The following CELSR1 variants were observed in gnomAD, a reference collection of about 807,000 sequenced individuals.
CELSR1 encodes the protein adhesion G protein-coupled receptor C1.
Under a neutral mutation model 249.1 loss-of-function variants are expected in CELSR1, and 110 were observed. The observed-to-expected ratio is 0.44, with a 90% CI of 0.38 to 0.52. The LOEUF is 0.52. Among genes scored for constraint, CELSR1 ranks in the 20% least tolerant of loss-of-function variants. CELSR1 has a pLI of 0.00. For missense variants in CELSR1, 4,109 were observed against 4,296.4 expected (o/e 0.96, Z 1.22); for synonymous variants, 2,113 against 1,900.0 (o/e 1.11, Z -2.92).
Position 46,407,212 on chromosome 22 carries a change from T to C in CELSR1, c.5226+1784A>G, listed in dbSNP as rs982298776. ...CCATGTGCACCCAGGTCTCATCACA[T>C]GGGTGCACACACATACATATACAGC... On this transcript the variant is annotated intron_variant, in intron 9 of 34. Coordinates refer to ENST00000674500, the MANE Select transcript of CELSR1 (RefSeq NM_001378328.1). This position sits in a 1 kb window ranked among gnomAD's most constrained non-coding sequence, Gnocchi z 4.8. Among the ~76,000 whole-genome samples the C allele has an allele frequency of 2.6e-5, 4 of 152,178 alleles. No homozygotes were observed. The highest frequency in any genetic ancestry group is 3.2e-3 in the Middle Eastern group (1 of 316).
intron 5 of CELSR1, among the ~76,000 whole-genome samples, chr22:46,419,703 C>T (rs144159390): frequency 2.8e-3 from 421 of 152,340 alleles, no homozygotes; most frequent in South Asian, 8.3e-3. Flanking sequence ...TGTGTACACT[C>T]GCCCACTCAC....
At chr22:46,439,168 C>T (rs369151135) in intron 3 of CELSR1, 21 bp downstream of exon 3, 74 of 1,600,086 alleles carry the variant, frequency 4.6e-5, no homozygotes, top group Non-Finnish European at 5.6e-5. Context: ...CCCCGTGTGG[C>T]GCGGCGGGAC....
At chr22:46,416,362 G>A (rs2079401595) in intron 5 of CELSR1, among the ~76,000 whole-genome samples, 1 of 152,156 alleles carries the variant, frequency 6.6e-6, no homozygotes, top group Non-Finnish European at 1.5e-5. Context: ...CGCAGCAGCC[G>A]GCCAGGCCCA....
rs910293645 is a variant in CELSR1, at chr22:46,415,628, A to T, written c.4612-3869T>A. Among the ~76,000 whole-genome samples the T allele has an allele frequency of 2.4e-3, 325 of 133,618 alleles. 1 individual carries two copies. Among genetic ancestry groups the T allele is most frequent in the African/African-American group, 0.011 (313 of 28,146 alleles). 87.7% of individuals were successfully genotyped at this position (133,618 alleles called of 152,430 possible). ...CTTCACCTCAATAAGGAAAAAATTA[A>T]AAAAAAAAAAAGATTCCTGGGTGGG... is the stretch of plus-strand genomic sequence containing the variant. On this transcript the variant is annotated intron_variant, in intron 5 of 34. Transcript: ENST00000674500.
Position 46,380,719 on chromosome 22 carries a change from G to A in CELSR1, c.7256+69C>T. The stretch of plus-strand genomic sequence containing the variant: ...TCCTCTTGGGGCGCTCTGCCACTGA[G>A]CCCCCGACCCTGCGGGGGCACTCTG... On this transcript the variant is annotated intron_variant, in intron 22 of 34. Transcript: ENST00000674500. This position sits in a 1 kb window ranked among gnomAD's most constrained non-coding sequence, Gnocchi z 5.1. 6.4e-7 allele frequency: 1 copy of A among 1,560,436 alleles called. No homozygotes were observed. The highest frequency in any genetic ancestry group is 8.7e-7 in the Non-Finnish European group (1 of 1,148,760).
rs749665955 is a variant in CELSR1 at position 46,391,089 on chromosome 22, T to C, written c.6250+97A>G. The C allele has an allele frequency of 2.1e-4, 216 of 1,011,518 alleles. No homozygotes were observed. The highest frequency in any genetic ancestry group is 3.0e-4 in the Non-Finnish European group (207 of 681,450). The allele number at this position is 1,011,518 out of a possible 1,614,324, so 62.7% of individuals were successfully genotyped here. On this transcript the variant is annotated intron_variant, in intron 16 of 34. Transcript: ENST00000674500. The surrounding 1 kb of genome is among the most constrained non-coding windows in gnomAD (Gnocchi z 4.3). Reference sequence around the variant, plus strand: ...CCAGCACTTTGCCTGCGGATATTTTTTCAACACGAAACATTCCATGAGTCC... The same window carrying C: ...CCAGCACTTTGCCTGCGGATATTTTCTCAACACGAAACATTCCATGAGTCC...
At chr22:46,470,077 T>A (rs2080140546) in intron 1 of CELSR1, among the ~76,000 whole-genome samples, 1 of 128,300 alleles carries the variant, frequency 7.8e-6, no homozygotes. Flanking sequence ...ATAATGAGAC[T>A]TCATTTTTTC....
intron 25 of CELSR1, chr22:46,370,108 G>A (rs375341487): frequency 5.5e-5 from 28 of 505,686 alleles, no homozygotes; most frequent in African/African-American, 4.8e-4. Context: ...GTGAGATGGT[G>A]CAGGAGGGAT....
rs970812385 is a variant in CELSR1 at position 46,393,831 on chromosome 22, G to A, written c.5964+311C>T. 6.6e-6 allele frequency among the ~76,000 whole-genome samples: 1 copy of A among 152,226 alleles called. No homozygotes were observed. Among genetic ancestry groups the A allele is most frequent in the Non-Finnish European group, 1.5e-5 (1 of 68,034 alleles). ...GATGAGCCAGCCCTCAGAAACGGGT[G>A]GGCTTCCCACAGCCATGGGCAGTAG... On this transcript the variant is annotated intron_variant, in intron 14 of 34. Coordinates refer to ENST00000674500, the MANE Select transcript of CELSR1 (RefSeq NM_001378328.1). This position sits in a 1 kb window ranked among gnomAD's most constrained non-coding sequence, Gnocchi z 4.1.
intron 1 of CELSR1, among the ~76,000 whole-genome samples, chr22:46,495,825 AT>A (rs935323018): frequency 3.3e-5 from 5 of 151,930 alleles, no homozygotes; most frequent in African/African-American, 4.8e-5. Flanking sequence ...CAAAAAATAT[AT>A]TTTTTTTTCT....
rs1048264517 is a variant in CELSR1, at chr22:46,411,119, A to T, written c.4769+483T>A. Reference sequence around the variant, plus strand: ...GAGGCTGTGGCAGGAGGATGGCTTGAGTCCAGGAGGTCAAGGCTTCAGTGA... The same window carrying T: ...GAGGCTGTGGCAGGAGGATGGCTTGTGTCCAGGAGGTCAAGGCTTCAGTGA... On this transcript the variant is annotated intron_variant, in intron 6 of 34. Transcript: ENST00000674500. This position sits in a 1 kb window ranked among gnomAD's most constrained non-coding sequence, Gnocchi z 4.2. 6.6e-6 allele frequency among the ~76,000 whole-genome samples: 1 copy of T among 152,188 alleles called. No homozygotes were observed. Among genetic ancestry groups the T allele is most frequent in the Non-Finnish European group, 1.5e-5 (1 of 68,034 alleles).
Position 46,447,287 on chromosome 22 carries a change from A to G in CELSR1, c.4184-7876T>C, listed in dbSNP as rs568000644. 2.0e-5 allele frequency among the ~76,000 whole-genome samples: 3 copies of G among 152,148 alleles called. No homozygotes were observed. Among genetic ancestry groups the G allele is most frequent in the Admixed American group, 2.0e-4 (3 of 15,288 alleles). On this transcript the variant is annotated intron_variant, in intron 2 of 34. Coordinates refer to ENST00000674500, the MANE Select transcript of CELSR1 (RefSeq NM_001378328.1). This position sits in a 1 kb window ranked among gnomAD's most constrained non-coding sequence, Gnocchi z 4.7. ...CTCTGTATCTTTTATTTTCTAATAG[A>G]GCTTTTATAAGACACACTATTTTCA...
intron 1 of CELSR1, among the ~76,000 whole-genome samples, chr22:46,467,522 T>A (rs186443633): frequency 6.7e-6 from 1 of 150,334 alleles, no homozygotes; most frequent in African/African-American, 2.5e-5. Flanking sequence ...TATATATATA[T>A]ATAGAAAACT....
At chr22:46,524,400 C>T (rs2080716865) in intron 1 of CELSR1, among the ~76,000 whole-genome samples, 1 of 152,176 alleles carries the variant, frequency 6.6e-6, no homozygotes, top group Non-Finnish European at 1.5e-5. Flanking sequence ...AAACAAGGCC[C>T]GCAGCTCTGA....
Position 46,536,040 on chromosome 22 carries a change from G to A in CELSR1, c.1131C>T (p.Ala377=). The A allele has an allele frequency of 6.2e-7, 1 of 1,610,466 alleles. No homozygotes were observed. Among genetic ancestry groups the A allele is most frequent in the East Asian group, 2.2e-5 (1 of 44,880 alleles). The stretch of plus-strand genomic sequence containing the variant: ...CGTTGATGGGCGAGTCGCGGTCGCT[G>A]GCGCGGATGGTCAGCACCTCGTAGC... ...EVGYEVLTIR[A]SDRDSPINAN... is the part of the protein sequence containing the mutation. The change falls in exon 1 of 35, where the codon GCC becomes GCT. Residue 377 remains alanine (A), a synonymous_variant. Coordinates refer to ENST00000674500, the MANE Select transcript of CELSR1 (RefSeq NM_001378328.1).
At chr22:46,463,677 C>T in intron 2 of CELSR1, 30 bp downstream of exon 2, 3 of 1,492,536 alleles carry the variant, frequency 2.0e-6, no homozygotes. Flanking sequence ...GGGACATGTA[C>T]ACAAAGCCAG....
At position 46,464,444 on chromosome 22, in the gene CELSR1, G is replaced by A; in HGVS notation, c.3545-99C>T. The A allele has an allele frequency of 6.1e-6, 8 of 1,318,852 alleles. No homozygotes were observed. The highest frequency in any genetic ancestry group is 2.2e-5 in the Admixed American group (1 of 45,984). 81.7% of individuals were successfully genotyped at this position (1,318,852 alleles called of 1,614,324 possible). A position where few individuals can be genotyped will look rare whatever the true frequency, so the allele number is the denominator to read the frequency against. On this transcript the variant is annotated intron_variant, in intron 1 of 34. Coordinates refer to ENST00000674500, the MANE Select transcript of CELSR1 (RefSeq NM_001378328.1). This position sits in a 1 kb window ranked among gnomAD's most constrained non-coding sequence, Gnocchi z 8.5. ...GCAGCCTCAGGCATGCTTGGCAAAG[G>A]AGAAGAGAGCCTGGGCATCCCCACT...
In CELSR1 at chr22:46,428,295, C is replaced by G. The variant is rs183049809; in HGVS notation, c.4611+5098G>C. On this transcript the variant is annotated intron_variant, in intron 5 of 34. Transcript: ENST00000674500. The surrounding 1 kb of genome is among the most constrained non-coding windows in gnomAD (Gnocchi z 5.7). The stretch of plus-strand genomic sequence containing the variant: ...GTCCCAAGGACTCCAGCAGCCAGCT[C>G]AGGCATGGGGCTTCATTGCGTGTGG... Among the ~76,000 whole-genome samples the G allele has an allele frequency of 1.2e-3, 176 of 152,376 alleles. 2 individuals are homozygous for G. The Middle Eastern group carries it at 0.017, about 15-fold the overall frequency.
At chr22:46,523,681 G>A (rs925817390) in intron 1 of CELSR1, among the ~76,000 whole-genome samples, 6 of 152,100 alleles carry the variant, frequency 3.9e-5, no homozygotes, top group Non-Finnish European at 5.9e-5. Context: ...TCTCTGAGCT[G>A]GAAGGCCCCT....
Sources: allele counts gnomAD v4.1 joint callset (sites outside exome capture counted in the v4.1 genomes callset), GRCh38; gene constraint gnomAD v4.1.1; non-coding constraint Gnocchi (gnomAD v3.1); transcripts MANE v1.5; gene names NCBI Gene and HGNC (gene_info 2026-07-23, HGNC 2026-07-21).